The following TRPC4 variants were observed in gnomAD, a reference collection of about 807,000 sequenced individuals.
TRPC4 encodes transient receptor potential cation channel subfamily C member 4.
Under a neutral mutation model 99.4 loss-of-function variants are expected in TRPC4, and 49 were observed. That is an observed-to-expected ratio of 0.49 (90% confidence interval 0.39 to 0.63). TRPC4 has a LOEUF of 0.63. Ranked by LOEUF, TRPC4 falls within the 20% of genes least tolerant of loss-of-function variation. The probability of loss-of-function intolerance (pLI) is 0.00; values close to 1 mark genes in which losing one functional copy is unlikely to be tolerated. For synonymous variants in TRPC4, 454 were observed against 425.9 expected (o/e 1.07, Z -0.81); for missense variants, 898 against 1,152.9 (o/e 0.78, Z 3.20).
At chr13:37,706,839 C>T (rs1954298555) in intron 3 of TRPC4, among the ~76,000 whole-genome samples, 1 of 152,098 alleles carries the variant, frequency 6.6e-6, no homozygotes, top group Non-Finnish European at 1.5e-5. Flanking sequence ...CAAGGAAATA[C>T]ATTTCAGAGT....
At chr13:37,680,852 C>T (rs554905163) in intron 4 of TRPC4, among the ~76,000 whole-genome samples, 8 of 152,172 alleles carry the variant, frequency 5.3e-5, no homozygotes, top group African/African-American at 7.2e-5. Flanking sequence ...ATTTATAATT[C>T]GGTTGCTTTC....
chr13:37,811,608 G>C (rs575531148), intron 1 of TRPC4, among the ~76,000 whole-genome samples: 1 of 152,092 alleles, frequency 6.6e-6, no homozygotes, highest in Non-Finnish European at 1.5e-5. Flanking sequence ...GAATGTTCTC[G>C]TCTAGTATTC....
At chr13:37,694,246 T>C (rs1192910943) in intron 3 of TRPC4, among the ~76,000 whole-genome samples, 3 of 152,248 alleles carry the variant, frequency 2.0e-5, no homozygotes, top group Non-Finnish European at 4.4e-5. Context: ...AGAAAACCTA[T>C]GGGAAATGCA....
intron 6 of TRPC4, among the ~76,000 whole-genome samples, chr13:37,660,497 T>G (rs9603246): frequency 0.37 from 56,654 of 151,904 alleles, 11,023 homozygotes; most frequent in African/African-American, 0.44. Context: ...TTCTTTTAGG[T>G]TTACTTGGAT....
chr13:37,813,901 G>A lies in TRPC4; in HGVS notation c.-27-30541C>T, dbSNP rs556114753. Among the ~76,000 whole-genome samples, 5 of 151,714 alleles carry A rather than the reference G, an allele frequency of 3.3e-5. No individual in the cohort carries two copies. In the East Asian group the frequency reaches 9.7e-4, roughly 29 times the overall value. ...CATTACAAGAAAAATCTACAAGCCA[G>A]TATATCTATGAATAGAAATAAAAAA... is the stretch of plus-strand genomic sequence containing the variant. On this transcript the variant is annotated intron_variant, in intron 1 of 10. Transcript: ENST00000379705.
At chr13:37,646,438 C>T (rs543454822) in intron 8 of TRPC4, among the ~76,000 whole-genome samples, 3 of 152,206 alleles carry the variant, frequency 2.0e-5, no homozygotes, top group African/African-American at 7.2e-5. Flanking sequence ...TTAAATATGT[C>T]TCACATTAAT....
At chr13:37,668,349 G>A (rs1952719156) in intron 5 of TRPC4, among the ~76,000 whole-genome samples, 1 of 152,130 alleles carries the variant, frequency 6.6e-6, no homozygotes, top group Non-Finnish European at 1.5e-5. Context: ...CTTATGCAGG[G>A]AGCTTTGTCT....
At chr13:37,830,681 C>T (rs1000836476) in intron 1 of TRPC4, among the ~76,000 whole-genome samples, 3 of 150,908 alleles carry the variant, frequency 2.0e-5, no homozygotes, top group Non-Finnish European at 2.9e-5. Flanking sequence ...CATTGCATTC[C>T]AGCCAGGACA....
chr13:37,684,794 TACACACACACACAC>T (rs57132536), intron 4 of TRPC4, among the ~76,000 whole-genome samples: 17,019 of 140,722 alleles, frequency 0.12, 1,261 homozygotes, highest in Middle Eastern at 0.22. Flanking sequence ...GAGTACCCCT[TACACACACACACAC>T]ACACACACAC....
chr13:37,672,384 T>C (rs1245235021), intron 5 of TRPC4, among the ~76,000 whole-genome samples: 1 of 152,218 alleles, frequency 6.6e-6, no homozygotes, highest in Admixed American at 6.5e-5. Flanking sequence ...CAATGCAATG[T>C]TCTTCACAGT....
At chr13:37,738,048 C>T (rs1312693625) in intron 3 of TRPC4, among the ~76,000 whole-genome samples, 3 of 152,106 alleles carry the variant, frequency 2.0e-5, no homozygotes, top group Non-Finnish European at 4.4e-5. Flanking sequence ...GCCTGGTTGT[C>T]TTTCCATTCC....
At chr13:37,740,445 T>G (rs1593629278) in intron 3 of TRPC4, among the ~76,000 whole-genome samples, 1 of 152,306 alleles carries the variant, frequency 6.6e-6, no homozygotes, top group South Asian at 2.1e-4. Context: ...CCTGTTGGAG[T>G]GATACACTTA....
chr13:37,844,154 A>G (rs1188966945), intron 1 of TRPC4, among the ~76,000 whole-genome samples: 2 of 152,238 alleles, frequency 1.3e-5, no homozygotes, highest in Admixed American at 1.3e-4. Flanking sequence ...GAAACAAAGA[A>G]CAGAGATAGA....
chr13:37,725,029 G>A (rs995350488), intron 3 of TRPC4, among the ~76,000 whole-genome samples: 3 of 151,960 alleles, frequency 2.0e-5, no homozygotes, highest in Admixed American at 6.6e-5. Flanking sequence ...CAAAAACTAT[G>A]TATGAACAGA....
At chr13:37,757,185 A>G (rs1430965151) in intron 2 of TRPC4, among the ~76,000 whole-genome samples, 1 of 152,120 alleles carries the variant, frequency 6.6e-6, no homozygotes, top group African/African-American at 2.4e-5. Flanking sequence ...AATAATAAAC[A>G]TATATCAGAT....
chr13:37,812,977 G>A (rs1245832411), intron 1 of TRPC4, among the ~76,000 whole-genome samples: 1 of 151,656 alleles, frequency 6.6e-6, no homozygotes, highest in Non-Finnish European at 1.5e-5. Context: ...GAAAAAAGCA[G>A]TGGAACAGCA....
intron 1 of TRPC4, among the ~76,000 whole-genome samples, chr13:37,852,707 G>A (rs1031981264): frequency 2.6e-5 from 4 of 152,276 alleles, no homozygotes; most frequent in East Asian, 1.9e-4. Flanking sequence ...TTCTAGGCCT[G>A]TCCTGGGCCA....
At chr13:37,853,124 G>A (rs1206176798) in intron 1 of TRPC4, among the ~76,000 whole-genome samples, 1 of 152,084 alleles carries the variant, frequency 6.6e-6, no homozygotes, top group Non-Finnish European at 1.5e-5. Context: ...TAGCCAGGTG[G>A]CAGTTACAGC....
At chr13:37,705,753 A>G (rs1441400215) in intron 3 of TRPC4, among the ~76,000 whole-genome samples, 2 of 152,108 alleles carry the variant, frequency 1.3e-5, no homozygotes, top group Admixed American at 6.6e-5. Flanking sequence ...GAACTATTTC[A>G]TAGTCCTCAG....
Sources: allele counts gnomAD v4.1 joint callset (sites outside exome capture counted in the v4.1 genomes callset), GRCh38; gene constraint gnomAD v4.1.1; transcripts MANE v1.5; gene names NCBI Gene and HGNC (gene_info 2026-07-23, HGNC 2026-07-21).